The following SLC25A21 variants were observed in gnomAD, a reference collection of about 807,000 sequenced individuals.
SLC25A21 encodes mitochondrial 2-oxodicarboxylate carrier.
Under a neutral mutation model 43.8 loss-of-function variants are expected in SLC25A21, and 47 were observed. That is an observed-to-expected ratio of 1.07 (90% CI 0.85 to 1.37). SLC25A21 has a LOEUF of 1.37. Ranked by LOEUF, SLC25A21 falls within the 40% of genes most tolerant of loss-of-function variation. The pLI is 0.00. For missense variants in SLC25A21, 352 were observed against 350.2 expected (o/e 1.00, Z -0.04); for synonymous variants, 131 against 121.3 (o/e 1.08, Z -0.52).
At chr14:37,137,107 T>C (rs1566906981) in intron 1 of SLC25A21, among the ~76,000 whole-genome samples, 1 of 152,164 alleles carries the variant, frequency 6.6e-6, no homozygotes, top group East Asian at 1.9e-4. Context: ...TTCACGCCAC[T>C]CTGCCTCAGC....
intron 3 of SLC25A21, among the ~76,000 whole-genome samples, chr14:36,774,357 G>T (rs1886740711): frequency 6.6e-6 from 1 of 152,154 alleles, no homozygotes; most frequent in African/African-American, 2.4e-5. Context: ...AAGTGCTTCA[G>T]CTTATGTGTT....
intron 1 of SLC25A21, among the ~76,000 whole-genome samples, chr14:37,002,172 A>C (rs1594746760): frequency 6.6e-6 from 1 of 152,250 alleles, no homozygotes; most frequent in Non-Finnish European, 1.5e-5. Flanking sequence ...CCAAGCAAAA[A>C]GCACCATAAG....
intron 2 of SLC25A21, among the ~76,000 whole-genome samples, chr14:36,839,364 A>G (rs562462107): frequency 6.6e-6 from 1 of 152,326 alleles, no homozygotes; most frequent in African/African-American, 2.4e-5. Flanking sequence ...TGAACACAGA[A>G]CTGTGAACAT....
rs1421526154 is a variant in SLC25A21, at chr14:36,815,116, C to T, written c.120-1115G>A. ...TTCTCACTCATAAGTGGGAGTTGAACAACGAGAACACATGGACACAGGGAG... is the reference window on the plus strand; with the variant it reads ...TTCTCACTCATAAGTGGGAGTTGAATAACGAGAACACATGGACACAGGGAG... On this transcript the variant is annotated intron_variant, in intron 2 of 9. Coordinates refer to ENST00000331299, the MANE Select transcript of SLC25A21 (RefSeq NM_030631.4). 2.6e-5 allele frequency among the ~76,000 whole-genome samples: 4 copies of T among 152,090 alleles called. No individual in the cohort carries two copies. The South Asian group carries it at 6.2e-4, about 24-fold the overall frequency.
At position 36,690,853 on chromosome 14, in the gene SLC25A21, T is replaced by C. The variant is rs536335503; in HGVS notation, c.604-5928A>G. On this transcript the variant is annotated intron_variant, in intron 7 of 9. Transcript: ENST00000331299. ...GAAGTCAACAGAAGACATACTATTA[T>C]AGTGAGTCACCATATTAGCTGAATG... Among the ~76,000 whole-genome samples, 3 of 152,204 alleles carry C rather than the reference T, an allele frequency of 2.0e-5. No individual in the cohort carries two copies. The South Asian group carries it at 6.2e-4, about 31-fold the overall frequency.
chr14:36,738,475 G>A (rs139198550), intron 3 of SLC25A21, among the ~76,000 whole-genome samples: 69 of 152,292 alleles, frequency 4.5e-4, no homozygotes, highest in African/African-American at 1.6e-3. Context: ...GCGTCATCCC[G>A]CTTATGTCAC....
At chr14:36,944,893 A>G (rs1343619544) in intron 1 of SLC25A21, among the ~76,000 whole-genome samples, 1 of 152,162 alleles carries the variant, frequency 6.6e-6, no homozygotes, top group Non-Finnish European at 1.5e-5. Flanking sequence ...AATCAATTCT[A>G]ATTTTCAAAC....
At chr14:36,784,605 T>C (rs1267249478) in intron 3 of SLC25A21, among the ~76,000 whole-genome samples, 1 of 152,166 alleles carries the variant, frequency 6.6e-6, no homozygotes, top group Non-Finnish European at 1.5e-5. Flanking sequence ...TTAGAGCACA[T>C]CTCTTCCTTT....
At chr14:36,941,027 C>A (rs1168556659) in intron 1 of SLC25A21, among the ~76,000 whole-genome samples, 3 of 151,992 alleles carry the variant, frequency 2.0e-5, no homozygotes, top group African/African-American at 7.2e-5. Context: ...AAGAAACCAT[C>A]AGAATGGAAG....
At chr14:36,995,391 T>C (rs1960350892) in intron 1 of SLC25A21, among the ~76,000 whole-genome samples, 1 of 152,180 alleles carries the variant, frequency 6.6e-6, no homozygotes, top group Non-Finnish European at 1.5e-5. Flanking sequence ...TTTTTTATAA[T>C]AGTAAAGGCT....
intron 1 of SLC25A21, among the ~76,000 whole-genome samples, chr14:36,983,024 T>C (rs1566790787): frequency 6.6e-6 from 1 of 152,208 alleles, no homozygotes; most frequent in South Asian, 2.1e-4. Flanking sequence ...TAAAGTATGA[T>C]TGAATAATGC....
intron 6 of SLC25A21, 41 bp downstream of exon 6, chr14:36,725,529 T>C: frequency 1.4e-6 from 1 of 716,500 alleles, no homozygotes; most frequent in East Asian, 3.6e-5. Context: ...ATAAATAAAT[T>C]TTTACATGCC....
intron 1 of SLC25A21, among the ~76,000 whole-genome samples, chr14:36,966,193 T>C (rs1188048575): frequency 6.6e-6 from 1 of 152,148 alleles, no homozygotes; most frequent in Non-Finnish European, 1.5e-5. Context: ...AGCTTCTCTC[T>C]TCCCTCTGCT....
intron 1 of SLC25A21, among the ~76,000 whole-genome samples, chr14:36,982,094 A>G (rs1960038282): frequency 6.6e-6 from 1 of 151,994 alleles, no homozygotes; most frequent in African/African-American, 2.4e-5. Flanking sequence ...CAAAACATGG[A>G]GAGTATCTAT....
At chr14:36,764,921 C>A (rs768867324) in intron 3 of SLC25A21, among the ~76,000 whole-genome samples, 13 of 152,206 alleles carry the variant, frequency 8.5e-5, no homozygotes, top group Non-Finnish European at 1.6e-4. Flanking sequence ...ACATGGTGAG[C>A]CACAAGATTA....
rs376120522 is a variant in SLC25A21, at chr14:36,876,932, G to GATAGATAGATAGATAA, written c.71-1929_71-1928insTTATCTATCTATCTAT. On this transcript the variant is annotated intron_variant, in intron 1 of 9. Transcript: ENST00000331299. ...AGATAGATAGATAGATAGATAGATA[G>GATAGATAGATAGATAA]ATAGATACACACACACACATACATA... Among the ~76,000 whole-genome samples the GATAGATAGATAGATAA allele has an allele frequency of 2.5e-4, 38 of 149,878 alleles. 1 individual carries two copies. In the East Asian group the frequency reaches 3.1e-3, roughly 12 times the overall value.
chr14:36,907,579 T>A (rs1327635776), intron 1 of SLC25A21, among the ~76,000 whole-genome samples: 3 of 152,220 alleles, frequency 2.0e-5, no homozygotes, highest in East Asian at 3.8e-4. Flanking sequence ...TTGGTCTTTA[T>A]AAGATTCCCT....
chr14:36,869,267 C>CA (rs1890298845), intron 2 of SLC25A21, among the ~76,000 whole-genome samples: 1 of 152,180 alleles, frequency 6.6e-6, no homozygotes, highest in Non-Finnish European at 1.5e-5. Context: ...TTCAAATACT[C>CA]AGAGTGGGTG....
intron 3 of SLC25A21, among the ~76,000 whole-genome samples, chr14:36,780,226 T>C (rs946597859): frequency 6.6e-6 from 1 of 151,894 alleles, no homozygotes; most frequent in African/African-American, 2.4e-5. Flanking sequence ...TCATCTCTTA[T>C]TTTTCTTAGT....
Sources: allele counts gnomAD v4.1 joint callset (sites outside exome capture counted in the v4.1 genomes callset), GRCh38; gene constraint gnomAD v4.1.1; transcripts MANE v1.5; gene names NCBI Gene and HGNC (gene_info 2026-07-23, HGNC 2026-07-21).